The following MCF2L variants were observed in gnomAD, a reference collection of about 807,000 sequenced individuals.
The protein encoded by MCF2L is MCF.2 cell line derived transforming sequence like.
A neutral mutation model predicts 153.4 loss-of-function variants in MCF2L; 97 were observed. That is an observed-to-expected ratio of 0.63 (90% CI 0.54 to 0.75). The LOEUF is 0.75. MCF2L is among the 30% of genes least tolerant of loss of function. The pLI is 0.00. For missense variants in MCF2L, 1,347 were observed against 1,495.2 expected, an observed-to-expected ratio of 0.90 and a Z score of 1.64; for synonymous variants, 659 against 632.2, an observed-to-expected ratio of 1.04 and a Z score of -0.64.
chr13:112,906,862 G>T (rs886067883), intron 2 of MCF2L, among the ~76,000 whole-genome samples: 5 of 152,236 alleles, frequency 3.3e-5, no homozygotes, highest in African/African-American at 1.2e-4. Context: ...TTGGTCAGTG[G>T]TGTCTTTAAA....
At chr13:113,021,978 G>A (rs948046559) in intron 2 of MCF2L, among the ~76,000 whole-genome samples, 14 of 152,178 alleles carry the variant, frequency 9.2e-5, no homozygotes, top group Admixed American at 1.3e-4. Flanking sequence ...TTTCAGCTCC[G>A]GGTCACCTGG....
Position 112,969,344 on chromosome 13 carries a change from G to T in MCF2L, c.-36G>T, listed in dbSNP as rs2081964588. 16 of 1,548,720 alleles carry T rather than the reference G, an allele frequency of 1.0e-5. No individual in the cohort carries two copies. Among genetic ancestry groups the T allele is most frequent in the Non-Finnish European group, 1.4e-5 (16 of 1,145,850 alleles). On this transcript the variant is annotated 5_prime_UTR_variant, in exon 1 of 30. Coordinates refer to ENST00000535094, the MANE Select transcript of MCF2L (RefSeq NM_001112732.3). The surrounding 1 kb of genome is among the most constrained non-coding windows in gnomAD (Gnocchi z 4.8). ...CGCAGGCGCCCCCCGTGCGGAGGAAGCGGATCTGCCAGGATCATTTTTGTT... is the reference window on the plus strand; with the variant it reads ...CGCAGGCGCCCCCCGTGCGGAGGAATCGGATCTGCCAGGATCATTTTTGTT...
In MCF2L at chr13:113,097,988, ACTT is replaced by A. The variant is rs1214294191; in HGVS notation, c.*1133_*1135del. 1 of 152,248 alleles carries A rather than the reference ACTT, an allele frequency of 6.6e-6. No individual in the cohort carries two copies. Among genetic ancestry groups the A allele is most frequent in the African/African-American group, 2.4e-5 (1 of 41,474 alleles). The allele number at this position is 152,248 out of a possible 1,614,324, so 9.4% of individuals were successfully genotyped here. On this transcript the variant is annotated 3_prime_UTR_variant, in exon 30 of 30. Coordinates refer to ENST00000535094, the MANE Select transcript of MCF2L (RefSeq NM_001112732.3). Reference sequence around the variant, plus strand: ...GGAAAAAAACTCTTCTGTTTTACCAACTTCTTGTGTTTCAGAAACATATTCTGT... The same window carrying A: ...GGAAAAAAACTCTTCTGTTTTACCAACTTGTGTTTCAGAAACATATTCTGT...
chr13:113,094,493 A>G, intron 26 of MCF2L, 21 bp from the exon 27 acceptor site: 1 of 1,601,912 alleles, frequency 6.2e-7, no homozygotes, highest in Non-Finnish European at 8.5e-7. Context: ...GGGGTCCCTC[A>G]CGGGTGTCTG....
chr13:112,973,706 C>T (rs751805933), intron 1 of MCF2L, among the ~76,000 whole-genome samples: 7 of 152,198 alleles, frequency 4.6e-5, no homozygotes, highest in Non-Finnish European at 2.9e-5. Flanking sequence ...GTTTCAGTTC[C>T]GGCCTGCTCT....
At chr13:112,910,698 A>T (rs1026431364) in intron 2 of MCF2L, 1 of 152,232 alleles carries the variant, frequency 6.6e-6, no homozygotes, top group African/African-American at 2.4e-5. Context: ...GCTTCTTAGA[A>T]AAGGAAATTA....
rs748665138 is a variant in MCF2L at position 113,045,227 on chromosome 13, T to C, written c.279-44T>C. On this transcript the variant is annotated intron_variant, in intron 3 of 29. Coordinates refer to ENST00000535094, the MANE Select transcript of MCF2L (RefSeq NM_001112732.3). This position sits in a 1 kb window ranked among gnomAD's most constrained non-coding sequence, Gnocchi z 4.2. Reference sequence around the variant, plus strand: ...TGAGGGATTTCGTGGGCAGCCGGCTTCCCACCTGCACACATTAACGGCGGC... The same window carrying C: ...TGAGGGATTTCGTGGGCAGCCGGCTCCCCACCTGCACACATTAACGGCGGC... 7.4e-6 allele frequency: 11 copies of C among 1,484,948 alleles called. No individual in the cohort carries two copies. Among genetic ancestry groups the C allele is most frequent in the Admixed American group, 1.7e-5 (1 of 59,800 alleles). The allele number at this position is 1,484,948 out of a possible 1,614,324, so 92.0% of individuals were successfully genotyped here.
intron 1 of MCF2L, among the ~76,000 whole-genome samples, chr13:112,897,021 C>T (rs879299948): frequency 1.2e-4 from 18 of 152,098 alleles, no homozygotes; most frequent in Non-Finnish European, 1.0e-4. Flanking sequence ...GAGGCCAGGC[C>T]GGCAGAGCAC....
intron 8 of MCF2L, among the ~76,000 whole-genome samples, chr13:113,067,040 C>T (rs1461421953): frequency 6.6e-6 from 1 of 152,246 alleles, no homozygotes; most frequent in Non-Finnish European, 1.5e-5. Flanking sequence ...GAGGCAGAGG[C>T]TGCAGCACAG....
At chr13:112,901,276 C>T (rs1251764188) in intron 1 of MCF2L, among the ~76,000 whole-genome samples, 1 of 152,200 alleles carries the variant, frequency 6.6e-6, no homozygotes, top group Admixed American at 6.5e-5. Flanking sequence ...CCCTCAGCCT[C>T]GTGAGTAACT....
chr13:112,962,652 A>T (rs1018331646), intron 2 of MCF2L, among the ~76,000 whole-genome samples: 1 of 152,096 alleles, frequency 6.6e-6, no homozygotes, highest in Non-Finnish European at 1.5e-5. Context: ...CACAGGCCTA[A>T]CTCCGGAGCA....
At chr13:113,001,613 C>A in intron 1 of MCF2L, 1 of 1,149,306 alleles carries the variant, frequency 8.7e-7, no homozygotes, top group Non-Finnish European at 1.1e-6. Context: ...CAAGCAACAC[C>A]AGGAACCTGA....
intron 1 of MCF2L, among the ~76,000 whole-genome samples, chr13:112,997,967 G>T (rs762397656): frequency 1.3e-5 from 2 of 152,238 alleles, no homozygotes; most frequent in Non-Finnish European, 2.9e-5. Context: ...GCCCGCAGCA[G>T]CAGCTGTATG....
At position 112,931,809 on chromosome 13, in the gene MCF2L, G is replaced by C. The variant is rs190831277; in HGVS notation, c.169+29438G>C. On this transcript the variant is annotated intron_variant, in intron 2 of 29. Transcript: ENST00000375608. ...CAAACAAAACAAAACCCAAACCCAC[G>C]TGGATGGGGGCAGGCCAGAGGGACG... Among the ~76,000 whole-genome samples the C allele has an allele frequency of 9.5e-4, 144 of 152,244 alleles. 2 individuals carry two copies. In the South Asian group the frequency reaches 0.019, roughly 20 times the overall value.
In MCF2L at chr13:112,912,071, C is replaced by G. The variant is rs75719518; in HGVS notation, c.169+9700C>G. Among the ~76,000 whole-genome samples the G allele has an allele frequency of 5.8e-4, 89 of 152,266 alleles. No homozygotes were observed. The East Asian group carries it at 0.016, about 27-fold the overall frequency. On this transcript the variant is annotated intron_variant, in intron 2 of 29. Transcript: ENST00000375608. ...TGGGGAGGTGGCCGTGCATGTGGCC[C>G]AAGTCCCTTGTTCTGTGAAGTTTCC...
At chr13:113,089,196 A>T (rs1205386118) in intron 25 of MCF2L, among the ~76,000 whole-genome samples, 1 of 131,448 alleles carries the variant, frequency 7.6e-6, no homozygotes, top group Non-Finnish European at 1.6e-5. Context: ...CCGAAAAAAA[A>T]AGCCTCATAC....
At position 113,075,956 on chromosome 13, in the gene MCF2L, G is replaced by T. The variant is rs200893569; in HGVS notation, c.1309-10G>T. The T allele has an allele frequency of 1.3e-6, 2 of 1,596,580 alleles. No individual in the cohort carries two copies. The highest frequency in any genetic ancestry group is 1.7e-5 in the Admixed American group (1 of 58,078). Reference sequence around the variant, plus strand: ...GGCGTCCTGCCCTCGGCAATGCTCTGTGTTTCCAGTCCATGAAGTGGTGTG... The same window carrying T: ...GGCGTCCTGCCCTCGGCAATGCTCTTTGTTTCCAGTCCATGAAGTGGTGTG... On this transcript the variant is annotated splice_polypyrimidine_tract_variant and intron_variant, in intron 11 of 29. Transcript: ENST00000535094.
At chr13:112,944,058 T>A (rs2081607858) in intron 2 of MCF2L, among the ~76,000 whole-genome samples, 1 of 124,556 alleles carries the variant, frequency 8.0e-6, no homozygotes, top group Non-Finnish European at 1.7e-5. Flanking sequence ...GGTCCCTGGC[T>A]GTGGGGGGAG....
rs1343952598 is a variant in MCF2L at position 113,028,960 on chromosome 13, CAT to C, written c.278+4203_278+4204del. 2.1e-5 allele frequency among the ~76,000 whole-genome samples: 3 copies of C among 145,926 alleles called. No individual in the cohort carries two copies. Among genetic ancestry groups the C allele is most frequent in the Admixed American group, 6.8e-5 (1 of 14,610 alleles). On this transcript the variant is annotated intron_variant, in intron 3 of 29. Transcript: ENST00000535094. The surrounding 1 kb of genome is among the most constrained non-coding windows in gnomAD (Gnocchi z 5.4). ...TGTGGTATGTGTGGACTATGTGAGG[CAT>C]GTGTGGGGTGAGTGTGGGGTGTGGT...
Sources: gnomAD v4.1 joint callset for allele counts (sites outside exome capture counted in the v4.1 genomes callset) on GRCh38, gnomAD v4.1.1 for gene constraint, Gnocchi (gnomAD v3.1) non-coding constraint, MANE v1.5 for transcripts, NCBI Gene and HGNC (gene_info 2026-07-23, HGNC 2026-07-21) for gene names.